Variants in SYT13 observed in about 807,000 individuals in gnomAD.
The protein encoded by SYT13 is synaptotagmin-13.
SYT13 carries 21 observed loss-of-function variants against 38.6 expected under a neutral mutation model. The observed-to-expected ratio is 0.54, with a 90% confidence interval of 0.39 to 0.78. SYT13 has a LOEUF of 0.78. Ranked by LOEUF, SYT13 falls within the 30% of genes least tolerant of loss-of-function variation. The probability of loss-of-function intolerance (pLI) is 0.00; values close to 1 mark genes in which losing one functional copy is unlikely to be tolerated. For missense variants in SYT13, 495 were observed against 548.7 expected, an observed-to-expected ratio of 0.90 and a Z score of 0.98; for synonymous variants, 241 against 237.6, an observed-to-expected ratio of 1.01 and a Z score of -0.13.
Position 45,252,716 on chromosome 11 carries a change from G to A in SYT13, c.551C>T (p.Thr184Ile). ...GTCACAGCCTCCGTCGTGGTTGCTG[G>A]TCACAGCTGCAGGCAAGGAGAACAA... is the stretch of plus-strand genomic sequence containing the variant. The part of the protein sequence containing the change: ...ELFVTRLEAV[T>I]SNHDGGCDCY... The change falls in exon 4 of 6, where the codon ACC becomes ATC. Residue 184 changes from threonine to isoleucine, a missense_variant. Coordinates refer to ENST00000020926, the MANE Select transcript of SYT13 (RefSeq NM_020826.3). The surrounding 1 kb of genome is among the most constrained non-coding windows in gnomAD (Gnocchi z 4.3). The A allele has an allele frequency of 1.3e-6, 2 of 1,572,980 alleles. No homozygotes were observed. Among genetic ancestry groups the A allele is most frequent in the Non-Finnish European group, 1.7e-6 (2 of 1,153,424 alleles).
chr11:45,257,288 C>A (rs977983530), intron 1 of SYT13, among the ~76,000 whole-genome samples: 18 of 152,110 alleles, frequency 1.2e-4, no homozygotes. Context: ...GCAATAGGAG[C>A]CTTCCTGGTC....
chr11:45,253,535 C>T (rs184227558), intron 3 of SYT13, among the ~76,000 whole-genome samples: 4 of 152,264 alleles, frequency 2.6e-5, no homozygotes, highest in East Asian at 1.9e-4. Context: ...GAATTATATA[C>T]AAAATTCCAA....
chr11:45,253,839 T>C (rs1322401377), intron 3 of SYT13: 2 of 153,116 alleles, frequency 1.3e-5, no homozygotes, highest in South Asian at 2.1e-4. Flanking sequence ...CACTTTGCAG[T>C]TGAGTGTGCT....
At chr11:45,248,994 G>T (rs1001679494) in intron 4 of SYT13, among the ~76,000 whole-genome samples, 12 of 152,064 alleles carry the variant, frequency 7.9e-5, no homozygotes, top group Admixed American at 5.2e-4. Context: ...AGTGAACCAT[G>T]CAAGACTACC....
intron 1 of SYT13, among the ~76,000 whole-genome samples, chr11:45,280,915 C>G (rs1252183444): frequency 6.6e-6 from 1 of 152,184 alleles, no homozygotes; most frequent in Non-Finnish European, 1.5e-5. Flanking sequence ...GAAATTCAGG[C>G]CATGAGGGCT....
Position 45,283,635 on chromosome 11 carries a change from C to T in SYT13, c.183+2390G>A, listed in dbSNP as rs984776309. 2.0e-5 allele frequency among the ~76,000 whole-genome samples: 3 copies of T among 152,192 alleles called. No individual in the cohort carries two copies. The South Asian group carries it at 6.2e-4, about 32-fold the overall frequency. On this transcript the variant is annotated intron_variant, in intron 1 of 5. Transcript: ENST00000020926. ...ACACATTCACACCCATAGATTCAGC[C>T]CCAAGTTGCCCACATCTTTGTCACT... is the stretch of plus-strand genomic sequence containing the variant.
intron 1 of SYT13, among the ~76,000 whole-genome samples, chr11:45,264,488 C>T (rs549985461): frequency 2.6e-4 from 39 of 152,106 alleles, no homozygotes; most frequent in Non-Finnish European, 4.7e-4. Flanking sequence ...TGCAAAGACC[C>T]GAGGGCACCG....
intron 2 of SYT13, 134 bp from the exon 3 acceptor site, chr11:45,254,538 G>T: frequency 1.6e-6 from 2 of 1,286,574 alleles, no homozygotes; most frequent in Non-Finnish European, 2.1e-6. Flanking sequence ...AATCACAGTG[G>T]CCACACCAAG....
intron 1 of SYT13, among the ~76,000 whole-genome samples, chr11:45,267,761 G>A (rs1854902559): frequency 6.6e-6 from 1 of 152,166 alleles, no homozygotes; most frequent in Non-Finnish European, 1.5e-5. Context: ...CAAATCCACA[G>A]TTATTTCTGG....
At chr11:45,260,989 G>A (rs1308722703) in intron 1 of SYT13, among the ~76,000 whole-genome samples, 2 of 152,218 alleles carry the variant, frequency 1.3e-5, no homozygotes, top group Non-Finnish European at 2.9e-5. Context: ...CAGATGTGCA[G>A]AGAGTTAAAG....
At position 45,286,072 on chromosome 11, in the gene SYT13, G is replaced by C. The variant is rs770979083; in HGVS notation, c.136C>G (p.Pro46Ala). ...KKGLLPRDQD[P>A]DLEKAKPSLL... ...CTGGGCTTCGCCTTCTCCAGGTCGG[G>C]GTCCTGGTCCCGCGGCAGCAGCCCC... The change falls in exon 1 of 6, where the codon CCC becomes GCC. Residue 46 changes from proline to alanine, a missense_variant. By Grantham distance (27) the Pro-to-Ala change is conservative. Coordinates refer to ENST00000020926, the MANE Select transcript of SYT13 (RefSeq NM_020826.3). The C allele has an allele frequency of 6.2e-7, 1 of 1,609,544 alleles. No individual in the cohort carries two copies.
intron 4 of SYT13, 146 bp from the exon 5 acceptor site, chr11:45,246,658 C>A (rs1036889629): frequency 8.3e-7 from 1 of 1,210,806 alleles, no homozygotes; most frequent in African/African-American, 1.5e-5. Flanking sequence ...GGGGTGTCCA[C>A]CCTTGCAGAA....
intron 1 of SYT13, among the ~76,000 whole-genome samples, chr11:45,284,651 G>A (rs1188576587): frequency 6.6e-6 from 1 of 152,166 alleles, no homozygotes; most frequent in Admixed American, 6.5e-5. Flanking sequence ...TCTCTAGGAA[G>A]GGGAGGGGGC....
intron 1 of SYT13, among the ~76,000 whole-genome samples, chr11:45,261,456 G>A (rs939597116): frequency 6.6e-6 from 1 of 152,052 alleles, no homozygotes; most frequent in Non-Finnish European, 1.5e-5. Context: ...AAATTAGCTG[G>A]ACATGGTGGC....
intron 1 of SYT13, among the ~76,000 whole-genome samples, chr11:45,257,122 C>T (rs1428147195): frequency 8.5e-5 from 13 of 152,188 alleles, no homozygotes; most frequent in East Asian, 3.9e-4. Flanking sequence ...AGGCCCTTTT[C>T]GCTTGGAACG....
intron 1 of SYT13, among the ~76,000 whole-genome samples, chr11:45,274,643 C>T (rs576384385): frequency 6.6e-6 from 1 of 152,318 alleles, no homozygotes. Context: ...AGAAGATATT[C>T]TACACTTGCA....
At chr11:45,285,276 C>A (rs1855120115) in intron 1 of SYT13, among the ~76,000 whole-genome samples, 1 of 152,224 alleles carries the variant, frequency 6.6e-6, no homozygotes, top group Non-Finnish European at 1.5e-5. Flanking sequence ...GGAGCACGGG[C>A]TATTTCCTGC....
intron 1 of SYT13, among the ~76,000 whole-genome samples, chr11:45,282,080 G>T (rs964671987): frequency 6.6e-6 from 1 of 152,194 alleles, no homozygotes; most frequent in African/African-American, 2.4e-5. Flanking sequence ...CCATGGGTCT[G>T]GCCGCCGCTC....
Position 45,242,803 on chromosome 11 carries a change from A to C in SYT13, c.*1249T>G, listed in dbSNP as rs1373452045. ...ATCCTGGTTCAGGTGTAAGTACCGT[A>C]TCCACTCAGCAAGGCTCATAATTTA... On this transcript the variant is annotated 3_prime_UTR_variant, in exon 6 of 6. Coordinates refer to ENST00000020926, the MANE Select transcript of SYT13 (RefSeq NM_020826.3). The C allele has an allele frequency of 6.6e-6, 1 of 152,198 alleles. No individual in the cohort carries two copies. Among genetic ancestry groups the C allele is most frequent in the Non-Finnish European group, 1.5e-5 (1 of 68,040 alleles). 9.4% of individuals were successfully genotyped at this position (152,198 alleles called of 1,614,324 possible).
Sources: gnomAD v4.1 joint callset for allele counts (sites outside exome capture counted in the v4.1 genomes callset) on GRCh38, gnomAD v4.1.1 for gene constraint, Gnocchi (gnomAD v3.1) non-coding constraint, MANE v1.5 for transcripts, NCBI Gene and HGNC (gene_info 2026-07-23, HGNC 2026-07-21) for gene names.